TULP4: variants seen among roughly 807,000 people sequenced by gnomAD.
TULP4 encodes tubby-related protein 4.
TULP4 carries 16 observed loss-of-function variants against 129.0 expected under a neutral mutation model. That is an observed-to-expected ratio of 0.12 (90% CI 0.08 to 0.19). The LOEUF (loss-of-function observed/expected upper bound fraction) is 0.19, where lower values mean the gene tolerates loss of function less well. Ranked by LOEUF, TULP4 falls within the 10% of genes least tolerant of loss-of-function variation. The pLI, the probability that TULP4 is intolerant of heterozygous loss-of-function variation, is 1.00. For synonymous variants in TULP4, 998 were observed against 854.0 expected, an observed-to-expected ratio of 1.17 and a Z score of -2.94; for missense variants, 1,842 against 2,059.1, an observed-to-expected ratio of 0.89 and a Z score of 2.04.
At chr6:158,271,491 T>C (rs1400707483) in intron 1 of TULP4, among the ~76,000 whole-genome samples, 2 of 151,732 alleles carry the variant, frequency 1.3e-5, no homozygotes, top group African/African-American at 2.4e-5. Context: ...TGGAGTGCAG[T>C]GTGCCATCAT....
intron 1 of TULP4, among the ~76,000 whole-genome samples, chr6:158,272,544 G>A (rs1778569850): frequency 6.6e-6 from 1 of 152,174 alleles, no homozygotes; most frequent in Non-Finnish European, 1.5e-5. Flanking sequence ...AAACTATCAG[G>A]AAGTTCCTTT....
At chr6:158,440,662 A>G (rs540126376) in intron 3 of TULP4, among the ~76,000 whole-genome samples, 1 of 152,354 alleles carries the variant, frequency 6.6e-6, no homozygotes, top group South Asian at 2.1e-4. Context: ...GAGCACAGGA[A>G]TCACAGTTAG....
intron 1 of TULP4, among the ~76,000 whole-genome samples, chr6:158,302,532 A>C (rs1779149417): frequency 1.3e-5 from 2 of 152,148 alleles, no homozygotes; most frequent in African/African-American, 4.8e-5. Context: ...CACATTTCCA[A>C]GTTGTAACTG....
intron 3 of TULP4, among the ~76,000 whole-genome samples, chr6:158,443,872 T>C (rs1283511077): frequency 6.6e-6 from 1 of 152,208 alleles, no homozygotes; most frequent in Non-Finnish European, 1.5e-5. Context: ...TATTCAAGTC[T>C]GGCCTTGAAG....
intron 1 of TULP4, among the ~76,000 whole-genome samples, chr6:158,291,777 G>A (rs1479856366): frequency 6.6e-6 from 1 of 152,014 alleles, no homozygotes; most frequent in Non-Finnish European, 1.5e-5. Flanking sequence ...CTATTAGATT[G>A]AGTTCATTAA....
chr6:158,460,791 T>C (rs1779405447), intron 5 of TULP4, among the ~76,000 whole-genome samples: 1 of 152,204 alleles, frequency 6.6e-6, no homozygotes, highest in Admixed American at 6.5e-5. Context: ...TTGTTTTCGA[T>C]GTGCTTTTTA....
chr6:158,244,308 C>A (rs1038396284), intron 1 of TULP4, among the ~76,000 whole-genome samples: 2 of 152,020 alleles, frequency 1.3e-5, no homozygotes, highest in African/African-American at 2.4e-5. Flanking sequence ...AGAAAAAAAA[C>A]CTAAATGTGC....
upstream of TULP4, among the ~76,000 whole-genome samples, chr6:158,278,534 A>G (rs1778686028): frequency 6.6e-6 from 1 of 152,120 alleles, no homozygotes; most frequent in Non-Finnish European, 1.5e-5. Context: ...ATATACTTAG[A>G]TCTTTCCTAG....
At chr6:158,252,503 G>T (rs985557041) in intron 1 of TULP4, among the ~76,000 whole-genome samples, 13 of 152,036 alleles carry the variant, frequency 8.6e-5, no homozygotes, top group Admixed American at 7.2e-4. Context: ...AGCCTCCCAA[G>T]TGGCTGGGAC....
At chr6:158,364,537 T>C (rs1014429795) in intron 1 of TULP4, among the ~76,000 whole-genome samples, 2 of 152,234 alleles carry the variant, frequency 1.3e-5, no homozygotes, top group African/African-American at 4.8e-5. Flanking sequence ...TTTGGAATTC[T>C]GGGTTAGCTG....
intron 4 of TULP4, 27 bp from the exon 5 acceptor site, chr6:158,452,107 T>G: frequency 6.2e-7 from 1 of 1,611,102 alleles, no homozygotes; most frequent in Non-Finnish European, 8.5e-7. Flanking sequence ...CTTCCCTCCT[T>G]TTCACTTGGC....
rs1779418785 is a variant in TULP4, at chr6:158,313,769, A to G, written c.-248A>G. On this transcript the variant is annotated 5_prime_UTR_variant, in exon 1 of 14. It removes an upstream start codon present in the reference 5' UTR. Coordinates refer to ENST00000367097, the MANE Select transcript of TULP4 (RefSeq NM_020245.5). ...GAACTTGAAAATACAAATGGACCCC[A>G]TGTTTTTTTAAGCATTACCTTTTCT... is the stretch of plus-strand genomic sequence containing the variant. The G allele has an allele frequency of 5.8e-6, 3 of 518,962 alleles. No homozygotes were observed. The highest frequency in any genetic ancestry group is 1.0e-5 in the Non-Finnish European group (3 of 297,692). 32.1% of individuals were successfully genotyped at this position (518,962 alleles called of 1,614,324 possible). A position where few individuals can be genotyped will look rare whatever the true frequency, so the allele number is the denominator to read the frequency against.
chr6:158,318,871 A>G (rs1779555544), intron 1 of TULP4, among the ~76,000 whole-genome samples: 2 of 150,368 alleles, frequency 1.3e-5, no homozygotes, highest in African/African-American at 2.5e-5. Flanking sequence ...GACTACAGAC[A>G]TATGCCACAA....
chr6:158,275,775 A>C (rs922252574), intron 1 of TULP4, among the ~76,000 whole-genome samples: 1 of 152,234 alleles, frequency 6.6e-6, no homozygotes, highest in South Asian at 2.1e-4. Flanking sequence ...TTAGCAAATT[A>C]AGATCTTGTT....
At chr6:158,335,346 A>G (rs1042173213) in intron 1 of TULP4, among the ~76,000 whole-genome samples, 1 of 151,986 alleles carries the variant, frequency 6.6e-6, no homozygotes, top group Non-Finnish European at 1.5e-5. Flanking sequence ...AGTGACACAT[A>G]TACTTAAGTA....
intron 1 of TULP4, among the ~76,000 whole-genome samples, chr6:158,236,790 C>CTTTTTTT (rs1562489169): frequency 9.1e-5 from 3 of 33,116 alleles, no homozygotes; most frequent in Non-Finnish European, 1.9e-4. Context: ...ATGCCCAATT[C>CTTTTTTT]TTTTCTTTTT....
intron 1 of TULP4, among the ~76,000 whole-genome samples, chr6:158,396,319 C>T (rs1777714646): frequency 6.6e-6 from 1 of 152,180 alleles, no homozygotes; most frequent in African/African-American, 2.4e-5. Context: ...CTTGCATTCT[C>T]TCGGCTAGTA....
chr6:158,472,955 T>C (rs956258677), intron 6 of TULP4, among the ~76,000 whole-genome samples: 1 of 152,262 alleles, frequency 6.6e-6, no homozygotes, highest in Non-Finnish European at 1.5e-5. Context: ...ATAACAGGTT[T>C]TCAGAGTTAG....
intron 1 of TULP4, among the ~76,000 whole-genome samples, chr6:158,315,790 C>T (rs1331235010): frequency 6.6e-6 from 1 of 152,228 alleles, no homozygotes; most frequent in African/African-American, 2.4e-5. Flanking sequence ...CACCTCGTTC[C>T]TGTGTCCTCA....
Sources: allele counts gnomAD v4.1 joint callset (sites outside exome capture counted in the v4.1 genomes callset), GRCh38; gene constraint gnomAD v4.1.1; transcripts MANE v1.5; gene names NCBI Gene and HGNC (gene_info 2026-07-23, HGNC 2026-07-21).